ATM: variants seen among roughly 807,000 people sequenced by gnomAD.
ATM encodes serine-protein kinase ATM.
Under a neutral mutation model 387.0 loss-of-function variants are expected in ATM, and 308 were observed. The observed-to-expected ratio is 0.80, with a 90% CI of 0.73 to 0.87. The LOEUF (loss-of-function observed/expected upper bound fraction) is 0.87, where lower values mean the gene tolerates loss of function less well. Among genes scored for constraint, ATM ranks in the 40% least tolerant of loss-of-function variants. The probability of loss-of-function intolerance (pLI) is 0.00; values close to 1 mark genes in which losing one functional copy is unlikely to be tolerated. For missense variants in ATM, 3,312 were observed against 3,560.9 expected (o/e 0.93, Z 1.78); for synonymous variants, 1,156 against 1,187.3 (o/e 0.97, Z 0.54).
Position 108,354,678 on chromosome 11 carries a change from G to C in ATM, c.8787-133G>C. ...GAAAGCCCACTCTGCCAAGTATTATGCTATTTTGAGATACAGATATGTAGA... is the reference window on the plus strand; with the variant it reads ...GAAAGCCCACTCTGCCAAGTATTATCCTATTTTGAGATACAGATATGTAGA... On this transcript the variant is annotated intron_variant, in intron 60 of 62. Coordinates refer to ENST00000675843, the MANE Select transcript of ATM (RefSeq NM_000051.4). The C allele has an allele frequency of 7.3e-6, 6 of 827,502 alleles. No homozygotes were observed. In the South Asian group the frequency reaches 8.3e-5, roughly 11 times the overall value. 51.3% of individuals were successfully genotyped at this position (827,502 alleles called of 1,614,324 possible). A position where few individuals can be genotyped will look rare whatever the true frequency, so the allele number is the denominator to read the frequency against.
chr11:108,305,672 T>G (rs1458163217), intron 37 of ATM, among the ~76,000 whole-genome samples: 2 of 152,156 alleles, frequency 1.3e-5, no homozygotes, highest in Admixed American at 6.5e-5. Context: ...GAACTGTACT[T>G]TATTTACTCT....
chr11:108,236,158 A>G (rs559489567), intron 5 of ATM: 3 of 360,208 alleles, frequency 8.3e-6, no homozygotes, highest in South Asian at 4.9e-5. Flanking sequence ...ATACAGACAT[A>G]TTTGGGTTCA....
chr11:108,249,297 A>G lies in ATM; in HGVS notation c.1235+195A>G, dbSNP rs548078718. Among the ~76,000 whole-genome samples the G allele has an allele frequency of 1.8e-4, 27 of 152,330 alleles. No homozygotes were observed. In the South Asian group the frequency reaches 4.4e-3, roughly 25 times the overall value. ...CATTAATGGCTCATTTGCTTGGGCC[A>G]AGTGCAGGGCCACCTATTTTAATCA... On this transcript the variant is annotated intron_variant, in intron 9 of 62. Transcript: ENST00000675843.
chr11:108,313,099 T>A (rs1476399742), intron 40 of ATM, among the ~76,000 whole-genome samples: 3 of 152,186 alleles, frequency 2.0e-5, no homozygotes, highest in Non-Finnish European at 4.4e-5. Flanking sequence ...AACATTGAAA[T>A]CTCCTGGCAT....
chr11:108,269,370 G>A (rs1429815596), intron 18 of ATM, among the ~76,000 whole-genome samples: 3 of 152,000 alleles, frequency 2.0e-5, no homozygotes, highest in African/African-American at 4.8e-5. Context: ...ATACTTTGAC[G>A]AGAATGTTGC....
chr11:108,364,497 G>C (rs904746272), intron 61 of ATM, among the ~76,000 whole-genome samples: 1 of 152,096 alleles, frequency 6.6e-6, no homozygotes, highest in African/African-American at 2.4e-5. Context: ...GATTCCAAAC[G>C]CAGCACCAAA....
At chr11:108,305,892 A>T (rs1036301726) in intron 37 of ATM, among the ~76,000 whole-genome samples, 9 of 152,158 alleles carry the variant, frequency 5.9e-5, no homozygotes, top group Admixed American at 4.6e-4. Context: ...ATATATTATT[A>T]ATGTGTTTTA....
chr11:108,338,364 A>G lies in ATM; in HGVS notation c.8268+2403A>G, dbSNP rs144655429. Among the ~76,000 whole-genome samples, 1,220 of 152,170 alleles carry G rather than the reference A, an allele frequency of 8.0e-3. 8 individuals are homozygous for G. Among genetic ancestry groups the G allele is most frequent in the African/African-American group, 0.025 (1,045 of 41,510 alleles). On this transcript the variant is annotated intron_variant, in intron 56 of 62. Transcript: ENST00000675843. ...GAGACTTCTTCTCAAAAAAGGAAAA[A>G]TGTCTAGAGGCCAGATGCAGTGGCT... is the stretch of plus-strand genomic sequence containing the variant.
rs1319574149 is a variant in ATM at position 108,325,620 on chromosome 11, G to A, written c.6807+76G>A. Reference sequence around the variant, plus strand: ...TATTTAAAAAACAGAAAGCCTGAGGGAAAAAGAAATGTCATTAAGAGATAG... The same window carrying A: ...TATTTAAAAAACAGAAAGCCTGAGGAAAAAAGAAATGTCATTAAGAGATAG... On this transcript the variant is annotated intron_variant, in intron 46 of 62. Transcript: ENST00000675843. 42 of 1,249,016 alleles carry A rather than the reference G, an allele frequency of 3.4e-5. 1 individual carries two copies. The Middle Eastern group carries it at 6.9e-4, about 21-fold the overall frequency. 77.4% of individuals were successfully genotyped at this position (1,249,016 alleles called of 1,614,324 possible). A position where few individuals can be genotyped will look rare whatever the true frequency, so the allele number is the denominator to read the frequency against.
At position 108,326,234 on chromosome 11, in the gene ATM, T is replaced by C. The variant is rs1290573965; in HGVS notation, c.6975+9T>C. ...ATGCCAGCTGTGCAGCGGTTTGTTT[T>C]TTTTATTGGCTGGATTAGTGTTTTA... is the stretch of plus-strand genomic sequence containing the variant. On this transcript the variant is annotated intron_variant, in intron 47 of 62. Transcript: ENST00000675843. 6.2e-6 allele frequency: 10 copies of C among 1,614,024 alleles called. No homozygotes were observed. Among genetic ancestry groups the C allele is most frequent in the Admixed American group, 1.7e-5 (1 of 60,008 alleles).
chr11:108,362,833 A>T (rs1215048169), intron 61 of ATM, among the ~76,000 whole-genome samples: 4 of 149,768 alleles, frequency 2.7e-5, no homozygotes, highest in Non-Finnish European at 5.9e-5. Flanking sequence ...TAGCATTGGG[A>T]GATATACCTA....
chr11:108,288,028 C>G (rs2082586782), intron 27 of ATM, among the ~76,000 whole-genome samples: 1 of 151,736 alleles, frequency 6.6e-6, no homozygotes, highest in Admixed American at 6.6e-5. Flanking sequence ...CACATTATTC[C>G]TAGTTCTCTT....
Position 108,272,580 on chromosome 11 carries a change from A to G in ATM, c.3126A>G (p.Leu1042=), listed in dbSNP as rs770038542. The change falls in exon 21 of 63, where the codon CTA becomes CTG. Residue 1042 remains leucine (L), a synonymous_variant. Transcript: ENST00000675843. Reference sequence around the variant, plus strand: ...ATATATTCTCTGTAAGAATGGCCCTAGTAAATTGCCTTAAAACTTTGCTTG... The same window carrying G: ...ATATATTCTCTGTAAGAATGGCCCTGGTAAATTGCCTTAAAACTTTGCTTG... ...RKYIFSVRMA[L]VNCLKTLLEA... The G allele has an allele frequency of 1.2e-6, 2 of 1,613,830 alleles. No individual in the cohort carries two copies. Among genetic ancestry groups the G allele is most frequent in the South Asian group, 2.2e-5 (2 of 91,074 alleles).
chr11:108,346,171 T>C (rs940691118), intron 58 of ATM, among the ~76,000 whole-genome samples: 1 of 152,152 alleles, frequency 6.6e-6, no homozygotes, highest in Non-Finnish European at 1.5e-5. Flanking sequence ...CTTTGTTTTA[T>C]AGTGAATATG....
At chr11:108,246,303 TG>T (rs1352927020) in intron 7 of ATM, among the ~76,000 whole-genome samples, 2 of 152,096 alleles carry the variant, frequency 1.3e-5, no homozygotes, top group Non-Finnish European at 2.9e-5. Flanking sequence ...TATTAGGAGG[TG>T]ATATGATATG....
At chr11:108,261,423 T>C (rs1050167560) in intron 16 of ATM, among the ~76,000 whole-genome samples, 1 of 152,142 alleles carries the variant, frequency 6.6e-6, no homozygotes, top group African/African-American at 2.4e-5. Context: ...GCTGAGGGTT[T>C]TGTCTGTTAG....
chr11:108,233,936 G>A (rs1387116348), intron 4 of ATM, among the ~76,000 whole-genome samples: 1 of 152,114 alleles, frequency 6.6e-6, no homozygotes, highest in East Asian at 1.9e-4. Flanking sequence ...TTGGGATAAA[G>A]GACATAGGAA....
intron 27 of ATM, 116 bp downstream of exon 27, chr11:108,287,831 A>T (rs888692992): frequency 3.5e-5 from 27 of 762,078 alleles, no homozygotes; most frequent in African/African-American, 2.7e-4. Flanking sequence ...TTTTTAAAAA[A>T]TTTTCTTTAA....
At chr11:108,250,233 A>T (rs1591521081) in intron 9 of ATM, among the ~76,000 whole-genome samples, 1 of 151,526 alleles carries the variant, frequency 6.6e-6, no homozygotes, top group African/African-American at 2.4e-5. Flanking sequence ...GCTCACTACA[A>T]CCTCCACCTC....
Sources: allele counts gnomAD v4.1 joint callset (sites outside exome capture counted in the v4.1 genomes callset), GRCh38; gene constraint gnomAD v4.1.1; transcripts MANE v1.5; gene names NCBI Gene and HGNC (gene_info 2026-07-23, HGNC 2026-07-21).